The following LRRC71 variants were observed in gnomAD, a reference collection of about 807,000 sequenced individuals.
The protein encoded by LRRC71 is leucine rich repeat containing 71.
A neutral mutation model predicts 66.6 loss-of-function variants in LRRC71; 54 were observed. The observed-to-expected ratio is 0.81, with a 90% confidence interval of 0.65 to 1.02. The LOEUF is 1.02. Ranked by LOEUF, LRRC71 falls within the 50% of genes least tolerant of loss-of-function variation. The pLI, the probability that LRRC71 is intolerant of heterozygous loss-of-function variation, is 0.00. For missense variants in LRRC71, 724 were observed against 718.0 expected (o/e 1.01, Z -0.10); for synonymous variants, 323 against 303.9 (o/e 1.06, Z -0.65).
At chr1:156,938,406 G>A in the LRRC71 span, 13 of 1,611,366 alleles carry the variant, frequency 8.1e-6, no homozygotes, top group Middle Eastern at 1.7e-4. Flanking sequence ...GCTCCAAGGA[G>A]AAAGTTATTA....
chr1:156,940,516 G>A, the LRRC71 span: 13 of 1,174,252 alleles, frequency 1.1e-5, no homozygotes, highest in Non-Finnish European at 1.5e-5. Context: ...AAGGGGCTGG[G>A]AACACTGACT....
At chr1:156,933,272 T>C (rs2101670958), downstream of LRRC71, among the ~76,000 whole-genome samples, 1 of 152,354 alleles carries the variant, frequency 6.6e-6, no homozygotes, top group East Asian at 1.9e-4. Flanking sequence ...GGGGGCTAGT[T>C]CTTCCTTGCT....
rs766971125 is a variant in LRRC71 at position 156,924,050 on chromosome 1, C to G, written c.262C>G (p.His88Asp). ...FPKVVNRPRP[H>D]PPFVPSASLS... ...CAAAGTTGTCAACCGGCCCCGCCCC[C>G]ACCCGCCCTTCGTCCCCTCCGCCTC... Residue 88 changes from histidine to aspartate, a missense_variant, in exon 2 of 15, where the codon CAC (histidine) becomes GAC (aspartate). Transcript: ENST00000337428. 9.7e-6 allele frequency: 15 copies of G among 1,548,484 alleles called. No homozygotes were observed. The South Asian group carries it at 1.7e-4, about 17-fold the overall frequency.
At chr1:156,929,475 AG>A in intron 10 of LRRC71, 46 bp downstream of exon 10, 2 of 1,611,712 alleles carry the variant, frequency 1.2e-6, no homozygotes, top group Non-Finnish European at 1.7e-6. Flanking sequence ...CGGACAGGGG[AG>A]GGGGCTTCCA....
chr1:156,922,833 T>C (rs1204207132), intron 1 of LRRC71, among the ~76,000 whole-genome samples: 2 of 152,178 alleles, frequency 1.3e-5, no homozygotes, highest in Admixed American at 6.5e-5. Context: ...ATTTTTAAGA[T>C]GTTAAAACTT....
chr1:156,927,134 C>T, intron 5 of LRRC71, 68 bp from the exon 6 acceptor site: 2 of 1,390,374 alleles, frequency 1.4e-6, no homozygotes, highest in Non-Finnish European at 2.0e-6. Flanking sequence ...CGCACACTTC[C>T]TCTCTGTTCC....
At chr1:156,928,984 A>G (rs1653855201) in intron 9 of LRRC71, among the ~76,000 whole-genome samples, 1 of 152,082 alleles carries the variant, frequency 6.6e-6, no homozygotes, top group Non-Finnish European at 1.5e-5. Flanking sequence ...ATGCAGTTAA[A>G]ATAGCACCTG....
Position 156,932,511 on chromosome 1 carries a change from A to G in LRRC71, c.1529A>G (p.Lys510Arg). The change falls in exon 14 of 15, where the codon AAG (lysine) becomes AGG (arginine). Residue 510 changes from lysine to arginine, a missense_variant. Physicochemically the swap from Lys to Arg is conservative, Grantham distance 26. Coordinates refer to ENST00000337428, the MANE Select transcript of LRRC71 (RefSeq NM_144702.3). The part of the protein sequence containing the change: ...MQFSKAKSAS[K>R]GPVGLLWLSL... ...TTCTCCAAGGCCAAGAGTGCATCCAAGGGTCCAGTGGGGCTGCTGTGGCTG... is the reference window on the plus strand; with the variant it reads ...TTCTCCAAGGCCAAGAGTGCATCCAGGGGTCCAGTGGGGCTGCTGTGGCTG... 6.2e-7 allele frequency: 1 copy of G among 1,613,974 alleles called. No individual in the cohort carries two copies. The highest frequency in any genetic ancestry group is 8.5e-7 in the Non-Finnish European group (1 of 1,179,882).
downstream of LRRC71, among the ~76,000 whole-genome samples, chr1:156,936,492 A>AT (rs1249771650): frequency 3.0e-3 from 285 of 95,286 alleles, no homozygotes; most frequent in African/African-American, 4.9e-3. Context: ...AAAAAAAAAA[A>AT]AAAAAATATA....
downstream of LRRC71, chr1:156,937,300 G>A: frequency 6.2e-7 from 1 of 1,613,996 alleles, no homozygotes; most frequent in Non-Finnish European, 8.5e-7. Flanking sequence ...GGAAGATCAT[G>A]CCCACGTCCC....
At chr1:156,929,790 G>A (rs566717737) in intron 11 of LRRC71, 61 bp downstream of exon 11, 18 of 1,421,858 alleles carry the variant, frequency 1.3e-5, no homozygotes, top group African/African-American at 8.6e-5. Context: ...GTGCCGGGCC[G>A]GGTGCAGGAA....
chr1:156,939,595 T>A, the LRRC71 span: 1 of 1,613,330 alleles, frequency 6.2e-7, no homozygotes, highest in Admixed American at 1.7e-5. Context: ...GCTTGAAGCA[T>A]CTTCAGCCAG....
Position 156,924,935 on chromosome 1 carries a change from C to T in LRRC71, c.516-3C>T, listed in dbSNP as rs181408647. On this transcript the variant is annotated splice_region_variant and splice_polypyrimidine_tract_variant and intron_variant, in intron 4 of 14. Coordinates refer to ENST00000337428, the MANE Select transcript of LRRC71 (RefSeq NM_144702.3). ...GTGTTTCTGCACTTCCCGCCCACGA[C>T]AGCTTGTGGAAGGTGGGGCTGACCG... is the stretch of plus-strand genomic sequence containing the variant. The T allele has an allele frequency of 1.3e-4, 207 of 1,551,726 alleles. 4 individuals carry two copies. In the East Asian group the frequency reaches 4.9e-3, roughly 37 times the overall value.
chr1:156,940,052 G>C, the LRRC71 span: 3 of 1,423,888 alleles, frequency 2.1e-6, no homozygotes, highest in Admixed American at 2.5e-5. Context: ...AGCTGGTGGG[G>C]GTTGGGTGGG....
In LRRC71 at chr1:156,927,607, C is replaced by T; in HGVS notation, c.774C>T (p.Asn258=). ...HSCNRTLVSL[N]LGFNHIGDEG... ...GCAACCGGACCCTCGTCTCGCTCAA[C>T]CTGGGTTTCAACCACATCGGTGACG... Residue 258 remains asparagine (N), a synonymous_variant, in exon 7 of 15, where the codon AAC becomes AAT. Coordinates refer to ENST00000337428, the MANE Select transcript of LRRC71 (RefSeq NM_144702.3). The T allele has an allele frequency of 6.2e-7, 1 of 1,602,188 alleles. No homozygotes were observed. The highest frequency in any genetic ancestry group is 1.1e-5 in the South Asian group (1 of 89,022).
At position 156,927,265 on chromosome 1, in the gene LRRC71, C is replaced by A; in HGVS notation, c.657C>A (p.Asp219Glu). 6.2e-7 allele frequency: 1 copy of A among 1,613,728 alleles called. No homozygotes were observed. The stretch of plus-strand genomic sequence containing the variant: ...CCTATCACAAGCTCATGGCCTTGGA[C>A]AGCACGTGAGACTCCCTGCCCTCAC... ...EQSYHKLMAL[D>E]STIAHLSLRN... The change falls in exon 6 of 15, where the codon GAC becomes GAA. Residue 219 changes from aspartate to glutamate, a missense_variant. Asp to Glu is a conservative substitution (Grantham distance 45). Transcript: ENST00000337428.
chr1:156,938,376 C>T, the LRRC71 span: 1 of 1,583,834 alleles, frequency 6.3e-7, no homozygotes, highest in African/African-American at 1.3e-5. Context: ...GTTCCACACT[C>T]CAGTCTTGGC....
At chr1:156,928,920 A>G (rs1653844263) in intron 9 of LRRC71, among the ~76,000 whole-genome samples, 1 of 152,018 alleles carries the variant, frequency 6.6e-6, no homozygotes, top group African/African-American at 2.4e-5. Context: ...GTAAGTGGGG[A>G]TAGTTGTACC....
At chr1:156,921,035 T>A in intron 1 of LRRC71, 72 bp downstream of exon 1, 2 of 1,426,492 alleles carry the variant, frequency 1.4e-6, no homozygotes, top group Non-Finnish European at 1.8e-6. Flanking sequence ...AGCTACTCAC[T>A]GCTCCAAGGT....
Sources: gnomAD v4.1 joint callset for allele counts (sites outside exome capture counted in the v4.1 genomes callset) on GRCh38, gnomAD v4.1.1 for gene constraint, MANE v1.5 for transcripts, NCBI Gene and HGNC (gene_info 2026-07-23, HGNC 2026-07-21) for gene names.